TTC7B: variants seen among roughly 807,000 people sequenced by gnomAD.
TTC7B encodes the protein tetratricopeptide repeat domain 7B, also known as tetratricopeptide repeat protein 7B.
TTC7B carries 28 observed loss-of-function variants against 106.8 expected under a neutral mutation model. That is an observed-to-expected ratio of 0.26 (90% CI 0.19 to 0.36). TTC7B has a LOEUF of 0.36. TTC7B is among the 10% of genes least tolerant of loss of function. The probability of loss-of-function intolerance (pLI) is 1.00; values close to 1 mark genes in which losing one functional copy is unlikely to be tolerated. For synonymous variants in TTC7B, 405 were observed against 430.6 expected, an observed-to-expected ratio of 0.94 and a Z score of 0.74; for missense variants, 862 against 1,076.4, an observed-to-expected ratio of 0.80 and a Z score of 2.79.
Position 90,610,815 on chromosome 14 carries a change from G to A in TTC7B, c.1893C>T (p.Leu631=), listed in dbSNP as rs772702569. Reference sequence around the variant, plus strand: ...GTCTGTCAGCAATGGTTCTATCTAAGAGGCTGCTCCCACGTCCAGAATCAC... The same window carrying A: ...GTCTGTCAGCAATGGTTCTATCTAAAAGGCTGCTCCCACGTCCAGAATCAC... ...NPSDSGRGSS[L]LDRTIADRRQ... is the part of the protein sequence containing the mutation. The change falls in exon 17 of 20, where the codon CTC becomes CTT. Residue 631 remains leucine (L), a synonymous_variant. Coordinates refer to ENST00000328459, the MANE Select transcript of TTC7B (RefSeq NM_001010854.2). The A allele has an allele frequency of 3.1e-6, 5 of 1,613,950 alleles. No individual in the cohort carries two copies. Among genetic ancestry groups the A allele is most frequent in the Non-Finnish European group, 4.2e-6 (5 of 1,179,860 alleles).
rs896806088 is a variant in TTC7B, at chr14:90,533,326, C to T, written c.*8042G>A. ...AGAGTGGTGGCGGTCACAGAGGCCC[C>T]CAGCCATGCCCATGCTGACCAGGCC... On this transcript the variant is annotated 3_prime_UTR_variant, in exon 20 of 20. Transcript: ENST00000328459. The T allele has an allele frequency of 6.6e-6, 1 of 152,580 alleles. No individual in the cohort carries two copies. The highest frequency in any genetic ancestry group is 1.5e-5 in the Non-Finnish European group (1 of 68,352). The allele number at this position is 152,580 out of a possible 1,614,324, so 9.5% of individuals were successfully genotyped here.
chr14:90,784,229 G>GTGTCCACC (rs1891306571), intron 2 of TTC7B, among the ~76,000 whole-genome samples: 1 of 152,030 alleles, frequency 6.6e-6, no homozygotes, highest in South Asian at 2.1e-4. Context: ...ACCTACCCCT[G>GTGTCCACC]TGTCCACCTG....
intron 15 of TTC7B, among the ~76,000 whole-genome samples, chr14:90,626,348 C>T (rs369162504): frequency 3.0e-4 from 46 of 152,256 alleles, no homozygotes; most frequent in African/African-American, 1.0e-3. Context: ...GAAGGCCACC[C>T]CTGCCCGTGT....
intron 5 of TTC7B, chr14:90,699,510 A>C: frequency 3.3e-6 from 1 of 302,740 alleles, no homozygotes; most frequent in Non-Finnish European, 6.4e-6. Flanking sequence ...ATTCAATATC[A>C]CCTGTCATTG....
At position 90,553,737 on chromosome 14, in the gene TTC7B, C is replaced by T. The variant is rs186506431; in HGVS notation, c.2311-12148G>A. On this transcript the variant is annotated intron_variant, in intron 19 of 19. Transcript: ENST00000328459. ...GCCTTGGAGGCATGGCGGATTCAGA[C>T]CTCCCGCCCACTCTCCCCACCTCCC... Among the ~76,000 whole-genome samples the T allele has an allele frequency of 2.0e-3, 307 of 152,320 alleles. 2 individuals carry two copies. The highest frequency in any genetic ancestry group is 3.4e-3 in the Middle Eastern group (1 of 294).
intron 3 of TTC7B, among the ~76,000 whole-genome samples, chr14:90,750,906 A>AT (rs1890114394): frequency 6.6e-6 from 1 of 152,162 alleles, no homozygotes; most frequent in Non-Finnish European, 1.5e-5. Flanking sequence ...GTCAGAAGCT[A>AT]TTTACAGGCC....
At position 90,624,774 on chromosome 14, in the gene TTC7B, G is replaced by A. The variant is rs1415797386; in HGVS notation, c.1752-6729C>T. On this transcript the variant is annotated intron_variant, in intron 15 of 19. Coordinates refer to ENST00000328459, the MANE Select transcript of TTC7B (RefSeq NM_001010854.2). This position sits in a 1 kb window ranked among gnomAD's most constrained non-coding sequence, Gnocchi z 4.0. ...AAAACCTTCACTAATTAGGTGATCC[G>A]TGAATGCTGCAGTCTTAGTAACTGC... Among the ~76,000 whole-genome samples, 6 of 152,244 alleles carry A rather than the reference G, an allele frequency of 3.9e-5. No homozygotes were observed. Among genetic ancestry groups the A allele is most frequent in the Non-Finnish European group, 2.9e-5 (2 of 68,046 alleles).
intron 18 of TTC7B, among the ~76,000 whole-genome samples, chr14:90,590,132 C>T (rs1350144327): frequency 2.0e-5 from 3 of 152,132 alleles, no homozygotes; most frequent in African/African-American, 4.8e-5. Context: ...CACTTTGTGG[C>T]TTTTCAATTG....
intron 3 of TTC7B, among the ~76,000 whole-genome samples, chr14:90,778,088 A>G (rs965043743): frequency 1.3e-5 from 2 of 152,078 alleles, no homozygotes; most frequent in Admixed American, 1.3e-4. Flanking sequence ...GTCCCTCTAC[A>G]CTGTCTCTCA....
At chr14:90,745,426 A>G (rs1392258912) in intron 3 of TTC7B, among the ~76,000 whole-genome samples, 1 of 152,176 alleles carries the variant, frequency 6.6e-6, no homozygotes, top group African/African-American at 2.4e-5. Context: ...AGTTTTTCTT[A>G]GACGCCCTTT....
chr14:90,781,351 T>C (rs1283496705), intron 2 of TTC7B, among the ~76,000 whole-genome samples: 1 of 152,204 alleles, frequency 6.6e-6, no homozygotes, highest in East Asian at 1.9e-4. Context: ...GAAAATGTTC[T>C]AGAATTCATT....
intron 5 of TTC7B, chr14:90,698,998 C>T (rs1887876371): frequency 2.9e-6 from 1 of 341,384 alleles, no homozygotes; most frequent in African/African-American, 2.2e-5. Flanking sequence ...TATCCTCCTC[C>T]TGCTGAACCT....
At chr14:90,793,504 G>A (rs1432993082) in intron 1 of TTC7B, among the ~76,000 whole-genome samples, 8 of 129,936 alleles carry the variant, frequency 6.2e-5, no homozygotes, top group South Asian at 5.0e-4. Flanking sequence ...CAGCCTTGGC[G>A]AAAGAGCAAG....
chr14:90,693,940 A>G (rs1887571109), intron 6 of TTC7B, among the ~76,000 whole-genome samples: 1 of 152,242 alleles, frequency 6.6e-6, no homozygotes, highest in Non-Finnish European at 1.5e-5. Context: ...ACTTGCCCAA[A>G]AGTAGAAACA....
At chr14:90,645,432 G>C (rs756065203) in intron 14 of TTC7B, among the ~76,000 whole-genome samples, 1 of 152,176 alleles carries the variant, frequency 6.6e-6, no homozygotes, top group Admixed American at 6.5e-5. Context: ...AGGTCACCCA[G>C]CTATTGAGTG....
chr14:90,739,916 G>T (rs899447056), intron 4 of TTC7B, among the ~76,000 whole-genome samples: 1 of 152,154 alleles, frequency 6.6e-6, no homozygotes, highest in Non-Finnish European at 1.5e-5. Context: ...CTTGCAGGGC[G>T]GATAACTTTA....
chr14:90,582,963 AGCCTTCTTTGCCTAGGCATGTGGCTGG>A (rs1891562460), intron 18 of TTC7B, among the ~76,000 whole-genome samples: 1 of 152,232 alleles, frequency 6.6e-6, no homozygotes, highest in Admixed American at 6.5e-5. Context: ...CCCAGGATGT[AGCCTTCTTTGCCTAGGCATGTGGCTGG>A]GCCTCTAGGA....
At chr14:90,741,583 G>A (rs1280121515) in intron 4 of TTC7B, among the ~76,000 whole-genome samples, 1 of 152,114 alleles carries the variant, frequency 6.6e-6, no homozygotes, top group East Asian at 1.9e-4. Context: ...ATTGCTCAAG[G>A]CTTTGATCAG....
At chr14:90,786,884 G>A (rs1162537715) in intron 1 of TTC7B, among the ~76,000 whole-genome samples, 4 of 151,890 alleles carry the variant, frequency 2.6e-5, no homozygotes, top group South Asian at 2.1e-4. Context: ...CCTGGCTGCC[G>A]GTAGATACAC....
Sources: gnomAD v4.1 joint callset for allele counts (sites outside exome capture counted in the v4.1 genomes callset) on GRCh38, gnomAD v4.1.1 for gene constraint, Gnocchi (gnomAD v3.1) non-coding constraint, MANE v1.5 for transcripts, NCBI Gene and HGNC (gene_info 2026-07-23, HGNC 2026-07-21) for gene names.